Variants in TNRC18 observed in about 807,000 individuals in gnomAD.
TNRC18 encodes the protein trinucleotide repeat-containing gene 18 protein.
Under a neutral mutation model 226.7 loss-of-function variants are expected in TNRC18, and 69 were observed. That is an observed-to-expected ratio of 0.30 (90% CI 0.25 to 0.37). The LOEUF is 0.37. Ranked by LOEUF, TNRC18 falls within the 10% of genes least tolerant of loss-of-function variation. The pLI is 1.00. For synonymous variants in TNRC18, 2,449 were observed against 1,927.6 expected, an observed-to-expected ratio of 1.27 and a Z score of -7.09; for missense variants, 4,754 against 4,256.6, an observed-to-expected ratio of 1.12 and a Z score of -3.25.
At chr7:5,331,424 A>T (rs1053433021) in intron 19 of TNRC18, among the ~76,000 whole-genome samples, 2 of 152,162 alleles carry the variant, frequency 1.3e-5, no homozygotes, top group Admixed American at 6.5e-5. Context: ...AATGGGTAGG[A>T]AAGAAAATCC....
rs1405863109 is a variant in TNRC18, at chr7:5,376,958, G to A, written c.2497C>T (p.Pro833Ser). ...GPPSLHQGMAPAFPPGLGGSL... is the reference protein window; with the variant it reads ...GPPSLHQGMASAFPPGLGGSL... ...CCCCCCAGGCCAGGTGGGAACGCAG[G>A]GGCCATGCCCTGGTGCAGAGATGGG... The change falls in exon 8 of 30, where the codon CCT becomes TCT. Residue 833 changes from proline to serine, a missense_variant. Coordinates refer to ENST00000430969, the MANE Select transcript of TNRC18 (RefSeq NM_001080495.3). 6.3e-7 allele frequency: 1 copy of A among 1,590,078 alleles called. No individual in the cohort carries two copies. The highest frequency in any genetic ancestry group is 8.6e-7 in the Non-Finnish European group (1 of 1,168,520).
chr7:5,398,086 C>G (rs1780819592), intron 2 of TNRC18, among the ~76,000 whole-genome samples: 1 of 152,074 alleles, frequency 6.6e-6, no homozygotes, highest in Non-Finnish European at 1.5e-5. Context: ...CTGCAGCCTC[C>G]AACTCCTGAG....
intron 11 of TNRC18, among the ~76,000 whole-genome samples, chr7:5,364,462 A>AACACAC (rs58752853): frequency 0.028 from 3,315 of 116,406 alleles, 64 homozygotes; most frequent in Non-Finnish European, 0.033. Flanking sequence ...TCTCAAAGAA[A>AACACAC]ACACACACAC....
chr7:5,359,054 C>T (rs772889482), intron 15 of TNRC18, among the ~76,000 whole-genome samples: 1 of 152,214 alleles, frequency 6.6e-6, no homozygotes, highest in Non-Finnish European at 1.5e-5. Flanking sequence ...GCTCATTAAA[C>T]TATTACACCA....
chr7:5,346,518 G>A (rs1261820644), intron 17 of TNRC18, among the ~76,000 whole-genome samples: 2 of 152,136 alleles, frequency 1.3e-5, no homozygotes, highest in African/African-American at 4.8e-5. Flanking sequence ...ATAAAATAAA[G>A]TTGACCCCAG....
Position 5,332,683 on chromosome 7 carries a change from C to T in TNRC18, c.6086G>A (p.Gly2029Asp). ...GTCCTTGCGCGGGCTCAGGGGGCCGCCCTTGGCGCAGCGGCTGGTCTTGGT... is the reference window on the plus strand; with the variant it reads ...GTCCTTGCGCGGGCTCAGGGGGCCGTCCTTGGCGCAGCGGCTGGTCTTGGT... The part of the protein sequence containing the change: ...PATKTSRCAK[G>D]GPLSPRKDAG... The change falls in exon 19 of 30, where the codon GGC becomes GAC. Residue 2029 changes from glycine (G) to aspartate (D), a missense_variant. Transcript: ENST00000430969. The T allele has an allele frequency of 2.6e-6, 4 of 1,531,438 alleles. No homozygotes were observed. Among genetic ancestry groups the T allele is most frequent in the Non-Finnish European group, 3.5e-6 (4 of 1,142,012 alleles). 94.9% of individuals were successfully genotyped at this position (1,531,438 alleles called of 1,614,324 possible).
At chr7:5,406,080 C>T (rs1485330369) in intron 2 of TNRC18, among the ~76,000 whole-genome samples, 1 of 152,140 alleles carries the variant, frequency 6.6e-6, no homozygotes, top group Admixed American at 6.6e-5. Context: ...TATTATTCAG[C>T]CCTGAAAAGG....
At chr7:5,354,493 G>A (rs1186398930) in intron 16 of TNRC18, among the ~76,000 whole-genome samples, 1 of 151,924 alleles carries the variant, frequency 6.6e-6, no homozygotes, top group Non-Finnish European at 1.5e-5. Flanking sequence ...GAGATTGAGA[G>A]AGCAAAAGAA....
chr7:5,389,461 G>GTTTTTTTTTTTTTTTTTTTTTTTTTTT lies in TNRC18; in HGVS notation c.488-126_488-125insAAAAAAAAAAAAAAAAAAAAAAAAAAA, dbSNP rs754143983. 1.0e-4 allele frequency: 58 copies of GTTTTTTTTTTTTTTTTTTTTTTTTTTT among 565,542 alleles called. No homozygotes were observed. The African/African-American group carries it at 1.4e-3, about 14-fold the overall frequency. The allele number at this position is 565,542 out of a possible 1,614,324, so 35.0% of individuals were successfully genotyped here. On this transcript the variant is annotated intron_variant, in intron 4 of 29. Transcript: ENST00000430969. ...TGCCTCCCCCAGTGTTTTGGTTTTG[G>GTTTTTTTTTTTTTTTTTTTTTTTTTTT]TTTTTTTTTTCAGAAAGAGTCTCGC...
At chr7:5,322,003 G>T (rs1788418458) in intron 21 of TNRC18, among the ~76,000 whole-genome samples, 1 of 151,762 alleles carries the variant, frequency 6.6e-6, no homozygotes, top group Non-Finnish European at 1.5e-5. Flanking sequence ...TTTCAAGCCA[G>T]GCGCGATGGC....
Position 5,380,087 on chromosome 7 carries a change from T to G in TNRC18, c.2153-2063A>C, listed in dbSNP as rs529031572. 2.0e-4 allele frequency among the ~76,000 whole-genome samples: 30 copies of G among 152,184 alleles called. 1 individual carries two copies. The Middle Eastern group carries it at 0.01, about 52-fold the overall frequency. On this transcript the variant is annotated intron_variant, in intron 5 of 29. Transcript: ENST00000430969. The stretch of plus-strand genomic sequence containing the variant: ...CCATGACCCTAATGGGTGAGGAAAC[T>G]TGGAATCAAGCTTCTCCTCTCATCT...
At chr7:5,361,493 C>CG (rs1200938830) in intron 14 of TNRC18, 101 bp downstream of exon 14, 1 of 1,360,332 alleles carries the variant, frequency 7.4e-7, no homozygotes, top group Non-Finnish European at 9.6e-7. Context: ...GCCCGAGGGA[C>CG]GCGAGGTCCC....
At chr7:5,335,709 G>C (rs547428479) in intron 18 of TNRC18, among the ~76,000 whole-genome samples, 59 of 151,390 alleles carry the variant, frequency 3.9e-4, no homozygotes, top group African/African-American at 1.4e-3. Context: ...ACACAGAATA[G>C]ACTCCAAGCA....
At chr7:5,337,914 C>T (rs1321639598) in intron 18 of TNRC18, among the ~76,000 whole-genome samples, 5 of 151,980 alleles carry the variant, frequency 3.3e-5, no homozygotes, top group African/African-American at 1.2e-4. Flanking sequence ...ACCCTGGAGA[C>T]GGAGATTGCA....
chr7:5,328,344 G>A (rs1789151093), intron 19 of TNRC18, among the ~76,000 whole-genome samples: 1 of 152,088 alleles, frequency 6.6e-6, no homozygotes, highest in African/African-American at 2.4e-5. Flanking sequence ...GCAACATAAG[G>A]AGACCCCACC....
At chr7:5,350,747 C>T (rs992363503) in intron 17 of TNRC18, among the ~76,000 whole-genome samples, 13 of 152,172 alleles carry the variant, frequency 8.5e-5, no homozygotes, top group Non-Finnish European at 1.8e-4. Context: ...GCAAGGCCAG[C>T]GGGTTCTCAG....
chr7:5,419,259 T>C (rs879469320), intron 2 of TNRC18, among the ~76,000 whole-genome samples: 9 of 152,214 alleles, frequency 5.9e-5, no homozygotes, highest in Non-Finnish European at 1.3e-4. Flanking sequence ...AGTAGCTTGT[T>C]TTCACCGCTT....
At chr7:5,327,910 G>A (rs1316474093) in intron 19 of TNRC18, among the ~76,000 whole-genome samples, 1 of 152,132 alleles carries the variant, frequency 6.6e-6, no homozygotes, top group Non-Finnish European at 1.5e-5. Context: ...CAGGCAGTGG[G>A]ATGGCATTCA....
chr7:5,409,611 C>T (rs952581638), intron 2 of TNRC18, among the ~76,000 whole-genome samples: 3 of 151,128 alleles, frequency 2.0e-5, no homozygotes, highest in East Asian at 3.9e-4. Flanking sequence ...ATAATTAAAT[C>T]GAAAGGTTAG....
Sources: gnomAD v4.1 joint callset for allele counts (sites outside exome capture counted in the v4.1 genomes callset) on GRCh38, gnomAD v4.1.1 for gene constraint, MANE v1.5 for transcripts, NCBI Gene and HGNC (gene_info 2026-07-23, HGNC 2026-07-21) for gene names.